The following AFF3 variants were observed in gnomAD, a reference collection of about 807,000 sequenced individuals.
The protein encoded by AFF3 is ALF transcription elongation factor 3, also known as AF4/FMR2 family member 3.
AFF3 carries 32 observed loss-of-function variants against 129.7 expected under a neutral mutation model. The observed-to-expected ratio is 0.25, with a 90% confidence interval of 0.19 to 0.33. The LOEUF (loss-of-function observed/expected upper bound fraction) is 0.33, where lower values mean the gene tolerates loss of function less well. Ranked by LOEUF, AFF3 falls within the 10% of genes least tolerant of loss-of-function variation. The probability of loss-of-function intolerance (pLI) is 1.00; values close to 1 mark genes in which losing one functional copy is unlikely to be tolerated. For missense variants in AFF3, 1,373 were observed against 1,592.0 expected (o/e 0.86, Z 2.34); for synonymous variants, 644 against 635.4 (o/e 1.01, Z -0.20).
intron 4 of AFF3, among the ~76,000 whole-genome samples, chr2:100,044,111 G>T (rs1276634112): frequency 6.6e-6 from 1 of 152,202 alleles, no homozygotes; most frequent in African/African-American, 2.4e-5. Context: ...AACACATGGA[G>T]GAGTGATGAG....
rs1243328230 is a variant in AFF3, at chr2:99,545,802, A to C, written c.*5672T>G. On this transcript the variant is annotated 3_prime_UTR_variant, in exon 25 of 25. Coordinates refer to ENST00000672756, the MANE Select transcript of AFF3 (RefSeq NM_001386135.1). ...TCCCCTTGCAGCCAACACAAAATTTACCCCCTGCTGCCTCGGAGTGCCAAT... is the reference window on the plus strand; with the variant it reads ...TCCCCTTGCAGCCAACACAAAATTTCCCCCCTGCTGCCTCGGAGTGCCAAT... The C allele has an allele frequency of 1.1e-5, 2 of 178,668 alleles. No homozygotes were observed. Among genetic ancestry groups the C allele is most frequent in the African/African-American group, 4.7e-5 (2 of 42,230 alleles). The allele number at this position is 178,668 out of a possible 1,614,324, so 11.1% of individuals were successfully genotyped here.
At chr2:99,716,962 C>CT (rs1678460230) in intron 11 of AFF3, among the ~76,000 whole-genome samples, 1 of 152,064 alleles carries the variant, frequency 6.6e-6, no homozygotes, top group Non-Finnish European at 1.5e-5. Context: ...CCCCTGTTGC[C>CT]TTTTTCTTGA....
At chr2:99,644,219 T>C (rs1030224789) in intron 13 of AFF3, among the ~76,000 whole-genome samples, 9 of 152,246 alleles carry the variant, frequency 5.9e-5, no homozygotes, top group Non-Finnish European at 1.2e-4. Context: ...GCTATAAAAA[T>C]GTAGCCGTTG....
chr2:99,587,827 T>C (rs1323990388), intron 15 of AFF3, among the ~76,000 whole-genome samples: 1 of 151,988 alleles, frequency 6.6e-6, no homozygotes, highest in African/African-American at 2.4e-5. Context: ...CTGGCCAACA[T>C]GGTGAAACCC....
Position 99,761,641 on chromosome 2 carries a change from T to C in AFF3, c.922-9340A>G, listed in dbSNP as rs142821682. On this transcript the variant is annotated intron_variant, in intron 8 of 24. Coordinates refer to ENST00000672756, the MANE Select transcript of AFF3 (RefSeq NM_001386135.1). ...TCAAGTTAAATCTTCGAGTTCAGAG[T>C]GTGCAGCTATGAAGACCTGCAAAGT... 3.0e-3 allele frequency among the ~76,000 whole-genome samples: 461 copies of C among 152,294 alleles called. 1 individual carries two copies. Among genetic ancestry groups the C allele is most frequent in the African/African-American group, 0.01 (435 of 41,562 alleles).
chr2:99,926,251 AG>A (rs1307689461), intron 7 of AFF3, among the ~76,000 whole-genome samples: 1 of 152,224 alleles, frequency 6.6e-6, no homozygotes, highest in Non-Finnish European at 1.5e-5. Flanking sequence ...GTGCACATAC[AG>A]GGGTGCAACA....
At chr2:99,970,134 G>A (rs1028433696) in intron 7 of AFF3, among the ~76,000 whole-genome samples, 6 of 152,142 alleles carry the variant, frequency 3.9e-5, no homozygotes, top group South Asian at 4.2e-4. Context: ...AAGCACAGAC[G>A]CAAAAAGATG....
intron 7 of AFF3, among the ~76,000 whole-genome samples, chr2:99,997,157 A>G (rs979901495): frequency 6.6e-6 from 1 of 152,128 alleles, no homozygotes; most frequent in Non-Finnish European, 1.5e-5. Flanking sequence ...CTACACCTCC[A>G]GCCCAGATAC....
rs1248087580 is a variant in AFF3 at position 99,560,390 on chromosome 2, C to T, written c.3166G>A (p.Glu1056Lys). 6.2e-7 allele frequency: 1 copy of T among 1,614,148 alleles called. No individual in the cohort carries two copies. Among genetic ancestry groups the T allele is most frequent in the South Asian group, 1.1e-5 (1 of 91,082 alleles). Residue 1056 changes from glutamate (E) to lysine (K), a missense_variant, in exon 21 of 25, where the codon GAA becomes AAA. By Grantham distance (56) the Glu-to-Lys change is moderately conservative. Around this residue, in one of 9 missense-constraint regions of AFF3, gnomAD observed 165 missense variants for 234.0 expected, o/e 0.71. Coordinates refer to ENST00000672756, the MANE Select transcript of AFF3 (RefSeq NM_001386135.1). ...KTHSGPNATPEDKQLAALCYR... is the reference protein window; with the variant it reads ...KTHSGPNATPKDKQLAALCYR... ...CATAATGCAGCCAGTTGTTTGTCTT[C>T]TGGTGTGGCATTGGGGCCTGAGTGG...
chr2:99,787,104 G>T (rs142987841), intron 8 of AFF3, among the ~76,000 whole-genome samples: 2 of 152,174 alleles, frequency 1.3e-5, no homozygotes, highest in East Asian at 3.9e-4. Context: ...ATATAAAAGA[G>T]CAGTAATTCA....
intron 8 of AFF3, among the ~76,000 whole-genome samples, chr2:99,778,891 T>C (rs1341995762): frequency 6.1e-4 from 26 of 42,446 alleles, no homozygotes; most frequent in South Asian, 1.6e-3. Context: ...TGTGTGTGTG[T>C]GTGCGCGTGT....
intron 11 of AFF3, among the ~76,000 whole-genome samples, chr2:99,724,697 AG>A (rs1185392621): frequency 5.3e-5 from 8 of 152,188 alleles, no homozygotes; most frequent in African/African-American, 1.7e-4. Context: ...CACAAATCAA[AG>A]GCATCCTGAA....
intron 12 of AFF3, among the ~76,000 whole-genome samples, chr2:99,665,081 G>A (rs1009207520): frequency 1.3e-5 from 2 of 152,234 alleles, no homozygotes; most frequent in African/African-American, 4.8e-5. Flanking sequence ...CAGGAGCTGG[G>A]AGAAGGGCCG....
intron 11 of AFF3, among the ~76,000 whole-genome samples, chr2:99,722,714 G>T (rs999110285): frequency 1.3e-5 from 2 of 152,194 alleles, no homozygotes; most frequent in African/African-American, 4.8e-5. Flanking sequence ...CCACACATAT[G>T]CAGTTTAGGG....
intron 18 of AFF3, among the ~76,000 whole-genome samples, chr2:99,577,648 T>C (rs974448048): frequency 2.6e-5 from 4 of 152,252 alleles, no homozygotes; most frequent in African/African-American, 9.6e-5. Context: ...CTTCCAGGCT[T>C]GTCCTTGACA....
chr2:99,849,714 C>A (rs898606740), intron 7 of AFF3, among the ~76,000 whole-genome samples: 1 of 152,168 alleles, frequency 6.6e-6, no homozygotes, highest in African/African-American at 2.4e-5. Context: ...TAGGAGGCAA[C>A]AAGAGTTCAC....
At chr2:100,090,823 T>TC (rs2105409005) in intron 4 of AFF3, among the ~76,000 whole-genome samples, 2 of 152,234 alleles carry the variant, frequency 1.3e-5, no homozygotes, top group South Asian at 4.1e-4. Context: ...ATTACAGGCG[T>TC]CCACCACCAC....
intron 11 of AFF3, among the ~76,000 whole-genome samples, chr2:99,676,686 A>G (rs933378901): frequency 3.3e-5 from 5 of 152,204 alleles, no homozygotes; most frequent in African/African-American, 1.2e-4. Context: ...TGTCTTTGTA[A>G]TGATGCCTTA....
At chr2:99,663,472 T>C (rs1226656018) in intron 12 of AFF3, among the ~76,000 whole-genome samples, 1 of 152,210 alleles carries the variant, frequency 6.6e-6, no homozygotes, top group East Asian at 1.9e-4. Flanking sequence ...AATAATTGGC[T>C]CTTTAATTTG....
Sources: gnomAD v4.1 joint callset for allele counts (sites outside exome capture counted in the v4.1 genomes callset) on GRCh38, gnomAD v4.1.1 for gene constraint, gnomAD v4.1.1 regional missense constraint, MANE v1.5 for transcripts, NCBI Gene and HGNC (gene_info 2026-07-23, HGNC 2026-07-21) for gene names.